HCLS1: variants seen among roughly 807,000 people sequenced by gnomAD.
The protein encoded by HCLS1 is hematopoietic lineage cell-specific protein.
A neutral mutation model predicts 68.6 loss-of-function variants in HCLS1; 44 were observed. The observed-to-expected ratio is 0.64, with a 90% confidence interval of 0.50 to 0.82. The LOEUF (loss-of-function observed/expected upper bound fraction) is 0.82, where lower values mean the gene tolerates loss of function less well. Ranked by LOEUF, HCLS1 falls within the 40% of genes least tolerant of loss-of-function variation. The probability of loss-of-function intolerance (pLI) is 0.00; values close to 1 mark genes in which losing one functional copy is unlikely to be tolerated. For synonymous variants in HCLS1, 217 were observed against 225.8 expected, an observed-to-expected ratio of 0.96 and a Z score of 0.35; for missense variants, 602 against 612.1, an observed-to-expected ratio of 0.98 and a Z score of 0.17.
chr3:121,650,124 AT>A (rs1257956205), intron 3 of HCLS1, among the ~76,000 whole-genome samples: 1 of 152,244 alleles, frequency 6.6e-6, no homozygotes, highest in African/African-American at 2.4e-5. Flanking sequence ...TTAACAAAGT[AT>A]GTGCAAGACC....
In HCLS1 at chr3:121,633,107, T is replaced by C. The variant is rs139020299; in HGVS notation, c.968A>G (p.His323Arg). The C allele has an allele frequency of 3.3e-5, 53 of 1,613,346 alleles. No individual in the cohort carries two copies. Among genetic ancestry groups the C allele is most frequent in the Non-Finnish European group, 4.1e-5 (48 of 1,179,612 alleles). The part of the protein sequence containing the change: ...ESEPVRTSRE[H>R]PVPLLPIRQT... ...CCTAATGGGCAGCAAGGGCACTGGG[T>C]GTTCCCTGCTGGTTCTCACAGGCTC... Residue 323 changes from histidine (H) to arginine (R), a missense_variant, in exon 11 of 14, where the codon CAC becomes CGC. His to Arg is a conservative substitution (Grantham distance 29). Transcript: ENST00000314583.
chr3:121,633,130 C>A lies in HCLS1; in HGVS notation c.945G>T (p.Glu315Asp). ...PVGTPPSSESEPVRTSREHPV... is the reference protein window; with the variant it reads ...PVGTPPSSESDPVRTSREHPV... Reference sequence around the variant, plus strand: ...GGTGTTCCCTGCTGGTTCTCACAGGCTCAGACTCTGATGATGGAGGAGTCC... The same window carrying A: ...GGTGTTCCCTGCTGGTTCTCACAGGATCAGACTCTGATGATGGAGGAGTCC... Residue 315 changes from glutamate to aspartate, a missense_variant, in exon 11 of 14, where the codon GAG becomes GAT. Coordinates refer to ENST00000314583, the MANE Select transcript of HCLS1 (RefSeq NM_005335.6). 6.2e-7 allele frequency: 1 copy of A among 1,613,044 alleles called. No individual in the cohort carries two copies.
At chr3:121,640,781 G>C (rs1413151568) in intron 6 of HCLS1, among the ~76,000 whole-genome samples, 3 of 56,298 alleles carry the variant, frequency 5.3e-5, no homozygotes, top group African/African-American at 1.7e-4. Flanking sequence ...GAAGGCAAGG[G>C]AAGGGGAGGG....
chr3:121,647,925 T>A (rs1289120376), intron 3 of HCLS1, among the ~76,000 whole-genome samples: 1 of 152,208 alleles, frequency 6.6e-6, no homozygotes, highest in Non-Finnish European at 1.5e-5. Context: ...ATGTCCTTAA[T>A]GTCTAAATGA....
At chr3:121,660,464 G>T (rs188615481) in intron 1 of HCLS1, among the ~76,000 whole-genome samples, 1 of 152,258 alleles carries the variant, frequency 6.6e-6, no homozygotes, top group Admixed American at 6.5e-5. Context: ...GAGACCATAT[G>T]CTCTTCAAGG....
At chr3:121,638,938 C>T (rs1359635652) in intron 6 of HCLS1, among the ~76,000 whole-genome samples, 1 of 151,920 alleles carries the variant, frequency 6.6e-6, no homozygotes, top group Non-Finnish European at 1.5e-5. Context: ...CCCAGCTACT[C>T]AGAAGGCTGA....
rs1305594864 is a variant in HCLS1 at position 121,644,596 on chromosome 3, G to T, written c.399+222C>A. The T allele has an allele frequency of 4.5e-6, 3 of 665,406 alleles. No homozygotes were observed. The East Asian group carries it at 8.7e-5, about 19-fold the overall frequency. The allele number at this position is 665,406 out of a possible 1,614,324, so 41.2% of individuals were successfully genotyped here. A position where few individuals can be genotyped will look rare whatever the true frequency, so the allele number is the denominator to read the frequency against. ...ATTCATTCAAACACACAGTTTGAGA[G>T]TCTTCTCCTATTTGAATCACTGTCT... On this transcript the variant is annotated intron_variant, in intron 5 of 13. Coordinates refer to ENST00000314583, the MANE Select transcript of HCLS1 (RefSeq NM_005335.6).
chr3:121,635,751 C>T lies in HCLS1; in HGVS notation c.675G>A (p.Thr225=), dbSNP rs149333073. Reference sequence around the variant, plus strand: ...AAGCCTCACCGGCTTCTATGGGCGTCGTCTTCTTATAAGCTGTGGTCGGGG... The same window carrying T: ...AAGCCTCACCGGCTTCTATGGGCGTTGTCTTCTTATAAGCTGTGGTCGGGG... The part of the protein sequence containing the change: ...MEAPTTAYKK[T]TPIEAASSGT... Residue 225 remains threonine (T), a synonymous_variant, in exon 9 of 14, where the codon ACG becomes ACA. Coordinates refer to ENST00000314583, the MANE Select transcript of HCLS1 (RefSeq NM_005335.6). 173 of 1,613,944 alleles carry T rather than the reference C, an allele frequency of 1.1e-4. No individual in the cohort carries two copies. The highest frequency in any genetic ancestry group is 9.9e-4 in the Middle Eastern group (6 of 6,060).
Position 121,657,290 on chromosome 3 carries a change from T to C in HCLS1, c.147A>G (p.Thr49=). ...CTTTCGGCACCTACTTGATGTGTTCTGTGCGTCCAGACCCCTCGATGGTCT... is the reference window on the plus strand; with the variant it reads ...CTTTCGGCACCTACTTGATGTGTTCCGTGCGTCCAGACCCCTCGATGGTCT... ...GAKTIEGSGR[T]EHINIHQLRN... Residue 49 remains threonine, a synonymous_variant, in exon 3 of 14, where the codon ACA becomes ACG. Transcript: ENST00000314583. 1 of 1,614,060 alleles carries C rather than the reference T, an allele frequency of 6.2e-7. No homozygotes were observed. The highest frequency in any genetic ancestry group is 8.5e-7 in the Non-Finnish European group (1 of 1,179,922).
intron 3 of HCLS1, among the ~76,000 whole-genome samples, chr3:121,649,348 G>T (rs1414774253): frequency 6.6e-6 from 1 of 152,122 alleles, no homozygotes; most frequent in East Asian, 1.9e-4. Flanking sequence ...TGATTCTCTT[G>T]CCTCAGCCTC....
chr3:121,634,000 G>A (rs2049125403), intron 10 of HCLS1, among the ~76,000 whole-genome samples: 1 of 152,176 alleles, frequency 6.6e-6, no homozygotes, highest in Non-Finnish European at 1.5e-5. Flanking sequence ...GCTTTCTGTT[G>A]TACTATGTAA....
chr3:121,641,390 T>C (rs1324323901), intron 6 of HCLS1, among the ~76,000 whole-genome samples: 1 of 152,198 alleles, frequency 6.6e-6, no homozygotes, highest in Non-Finnish European at 1.5e-5. Context: ...TTGAAAGAAT[T>C]ATCAATGGAA....
intron 6 of HCLS1, among the ~76,000 whole-genome samples, chr3:121,638,559 TA>T (rs1209328956): frequency 6.6e-6 from 1 of 152,142 alleles, no homozygotes; most frequent in East Asian, 1.9e-4. Context: ...CAATATTTGA[TA>T]GGGGGAAAAT....
At chr3:121,652,615 G>A (rs986916723) in intron 3 of HCLS1, among the ~76,000 whole-genome samples, 19 of 152,086 alleles carry the variant, frequency 1.2e-4, no homozygotes, top group Non-Finnish European at 2.1e-4. Flanking sequence ...AGCCGAGATC[G>A]TACCACTGCA....
chr3:121,632,041 C>T (rs1200745339), intron 13 of HCLS1, 59 bp from the exon 14 acceptor site: 12 of 1,612,966 alleles, frequency 7.4e-6, no homozygotes, highest in Admixed American at 3.3e-5. Flanking sequence ...TTTCACATGT[C>T]CCCCTGTCTT....
At chr3:121,647,627 CTGATTTAAA>C in intron 3 of HCLS1, 179 bp from the exon 4 acceptor site, 1 of 543,952 alleles carries the variant, frequency 1.8e-6, no homozygotes, top group Non-Finnish European at 3.3e-6. Flanking sequence ...ATACCATAGC[CTGATTTAAA>C]CTCTCCATAG....
intron 1 of HCLS1, 89 bp from the exon 2 acceptor site, chr3:121,658,436 C>A: frequency 6.4e-6 from 6 of 944,500 alleles, no homozygotes; most frequent in East Asian, 2.5e-5. Context: ...ATATAGCAGC[C>A]CAATATTTCC....
chr3:121,652,839 G>A (rs1386975045), intron 3 of HCLS1, among the ~76,000 whole-genome samples: 1 of 152,140 alleles, frequency 6.6e-6, no homozygotes, highest in African/African-American at 2.4e-5. Flanking sequence ...ATTGGCAATA[G>A]CTTAGTTCAT....
chr3:121,649,585 C>T (rs1937695359), intron 3 of HCLS1, among the ~76,000 whole-genome samples: 1 of 152,108 alleles, frequency 6.6e-6, no homozygotes, highest in Non-Finnish European at 1.5e-5. Flanking sequence ...ATTAACTAAA[C>T]AACTTTTAAG....
Sources: gnomAD v4.1 joint callset for allele counts (sites outside exome capture counted in the v4.1 genomes callset) on GRCh38, gnomAD v4.1.1 for gene constraint, MANE v1.5 for transcripts, NCBI Gene and HGNC (gene_info 2026-07-23, HGNC 2026-07-21) for gene names.